Variants in ENDOD1 observed in about 807,000 individuals in gnomAD.
ENDOD1 encodes the protein endonuclease domain containing 1, also known as endonuclease domain-containing 1 protein.
A neutral mutation model predicts 6.5 loss-of-function variants in ENDOD1; 9 were observed. The ratio of observed to expected loss-of-function variants is 1.39; its 90% CI spans 0.84 to 2.43. The LOEUF (loss-of-function observed/expected upper bound fraction) is 2.43. ENDOD1 is among the 30% of genes most tolerant of loss of function. ENDOD1 has a pLI of 0.00. For missense variants in ENDOD1, 648 were observed against 635.5 expected (o/e 1.02, Z -0.21); for synonymous variants, 255 against 255.2 (o/e 1.00, Z 0.01).
rs1440932474 is a variant in ENDOD1, at chr11:95,129,464, T to C, written c.1388T>C (p.Val463Ala). The C allele has an allele frequency of 4.3e-6, 7 of 1,614,222 alleles. No individual in the cohort carries two copies. In the South Asian group the frequency reaches 7.7e-5, roughly 18 times the overall value. The change falls in exon 2 of 2, where the codon GTC becomes GCC. Residue 463 changes from valine to alanine, a missense_variant. By Grantham distance (64) the Val-to-Ala change is moderately conservative. Coordinates refer to ENST00000278505, the MANE Select transcript of ENDOD1 (RefSeq NM_015036.3). ...KDIALGLGGT[V>A]SLLFDTAFGT... Reference sequence around the variant, plus strand: ...ATTGCACTGGGCCTTGGTGGCACTGTCTCACTGCTCTTTGACACTGCTTTT... The same window carrying C: ...ATTGCACTGGGCCTTGGTGGCACTGCCTCACTGCTCTTTGACACTGCTTTT...
At chr11:95,090,636 C>A (rs12289687) in intron 1 of ENDOD1, among the ~76,000 whole-genome samples, 31,775 of 152,128 alleles carry the variant, frequency 0.21, 3,392 homozygotes, top group Admixed American at 0.23. Context: ...AACTTATTGC[C>A]ATAGCACTCA....
rs768953877 is a variant in ENDOD1, at chr11:95,128,929, G to A, written c.853G>A (p.Val285Met). The change falls in exon 2 of 2, where the codon GTG (valine) becomes ATG (methionine). Residue 285 changes from valine to methionine, a missense_variant. Physicochemically the swap from Val to Met is conservative, Grantham distance 21. Coordinates refer to ENST00000278505, the MANE Select transcript of ENDOD1 (RefSeq NM_015036.3). ...AGAGAAAATGAAAAAAATCCTGGAA[G>A]TGGTTAACCAAATCCAGGATGAAGA... ...DTEKMKKILE[V>M]VNQIQDEERM... 41 of 1,613,960 alleles carry A rather than the reference G, an allele frequency of 2.5e-5. No individual in the cohort carries two copies. The highest frequency in any genetic ancestry group is 4.5e-5 in the East Asian group (2 of 44,872).
At position 95,089,898 on chromosome 11, in the gene ENDOD1, C is replaced by T. The variant is rs1858908155; in HGVS notation, c.-30C>T. ...AGCTCGCGCCGCGGCAGCCCAGCCG[C>T]TCGGCCCCGCCGCGCTCGCAGAGGC... On this transcript the variant is annotated 5_prime_UTR_variant, in exon 1 of 2. Coordinates refer to ENST00000278505, the MANE Select transcript of ENDOD1 (RefSeq NM_015036.3). The T allele has an allele frequency of 7.6e-7, 1 of 1,311,252 alleles. No homozygotes were observed. Among genetic ancestry groups the T allele is most frequent in the Non-Finnish European group, 9.7e-7 (1 of 1,027,540 alleles). 81.2% of individuals were successfully genotyped at this position (1,311,252 alleles called of 1,614,324 possible).
intron 1 of ENDOD1, among the ~76,000 whole-genome samples, chr11:95,102,050 C>T (rs1294811960): frequency 6.6e-6 from 1 of 152,094 alleles, no homozygotes; most frequent in Non-Finnish European, 1.5e-5. Context: ...TTCCCTGTTC[C>T]TGCACAGAAG....
intron 1 of ENDOD1, among the ~76,000 whole-genome samples, chr11:95,122,591 C>T (rs765643356): frequency 1.1e-5 from 1 of 92,412 alleles, no homozygotes; most frequent in Non-Finnish European, 2.5e-5. Context: ...ATTTAAGTTA[C>T]ACACACACAC....
intron 1 of ENDOD1, 22 bp downstream of exon 1, chr11:95,090,249 C>A: frequency 1.5e-6 from 2 of 1,361,892 alleles, no homozygotes. Flanking sequence ...GGTTCCCGAG[C>A]CGGGCTGCGG....
intron 1 of ENDOD1, among the ~76,000 whole-genome samples, chr11:95,127,256 A>C (rs898149293): frequency 2.0e-5 from 3 of 152,198 alleles, no homozygotes; most frequent in Non-Finnish European, 4.4e-5. Context: ...AATCCTAAGC[A>C]CTTTCCTTTT....
chr11:95,116,907 A>G (rs140300531), intron 1 of ENDOD1, among the ~76,000 whole-genome samples: 1 of 152,334 alleles, frequency 6.6e-6, no homozygotes, highest in African/African-American at 2.4e-5. Context: ...GACCTATCAC[A>G]TGGTGTATCC....
chr11:95,093,673 G>A (rs1477598218), intron 1 of ENDOD1, among the ~76,000 whole-genome samples: 1 of 152,170 alleles, frequency 6.6e-6, no homozygotes, highest in Non-Finnish European at 1.5e-5. Context: ...ATAATTTGAT[G>A]TTGGGAGGAT....
intron 1 of ENDOD1, among the ~76,000 whole-genome samples, chr11:95,096,637 G>A (rs1858987842): frequency 6.6e-6 from 1 of 152,150 alleles, no homozygotes; most frequent in Non-Finnish European, 1.5e-5. Flanking sequence ...TATACTTTAA[G>A]GGCTGATTGG....
intron 1 of ENDOD1, among the ~76,000 whole-genome samples, chr11:95,106,675 T>G (rs1565445510): frequency 6.6e-6 from 1 of 152,204 alleles, no homozygotes; most frequent in Non-Finnish European, 1.5e-5. Flanking sequence ...GGACCCACAG[T>G]ATTTTGTTCT....
rs1827528845 is a variant in ENDOD1 at position 95,090,035 on chromosome 11, GTTC to G, written c.113_115del (p.Phe38del). ...AAGCCGGCTTTGGCGAATGTGACAA[GTTC>G]TTCTACGCCGGGACCCCGCCTGCGG... On this transcript the variant is annotated inframe_deletion, in exon 1 of 2. Transcript: ENST00000278505. 9.4e-6 allele frequency: 15 copies of G among 1,598,326 alleles called. No homozygotes were observed. In the South Asian group the frequency reaches 1.4e-4, roughly 15 times the overall value.
chr11:95,103,404 C>T (rs1398579067), intron 1 of ENDOD1, among the ~76,000 whole-genome samples: 1 of 152,196 alleles, frequency 6.6e-6, no homozygotes, highest in Non-Finnish European at 1.5e-5. Context: ...AGACATCCAG[C>T]TGCTACTGAT....
At chr11:95,125,078 A>AT (rs1222436637) in intron 1 of ENDOD1, among the ~76,000 whole-genome samples, 1 of 151,030 alleles carries the variant, frequency 6.6e-6, no homozygotes, top group Admixed American at 6.6e-5. Flanking sequence ...TTCTCTGCTC[A>AT]TTTTTTTAGG....
chr11:95,091,653 T>C (rs1858932424), intron 1 of ENDOD1, among the ~76,000 whole-genome samples: 1 of 152,226 alleles, frequency 6.6e-6, no homozygotes, highest in Non-Finnish European at 1.5e-5. Flanking sequence ...AACATACGTC[T>C]GAGGAAATCA....
At chr11:95,123,304 T>C (rs1859280688) in intron 1 of ENDOD1, among the ~76,000 whole-genome samples, 1 of 151,008 alleles carries the variant, frequency 6.6e-6, no homozygotes. Flanking sequence ...CAACTCCAAG[T>C]TGCAAAAGAT....
chr11:95,121,053 G>A (rs144431890), intron 1 of ENDOD1, among the ~76,000 whole-genome samples: 4 of 152,324 alleles, frequency 2.6e-5, no homozygotes, highest in Non-Finnish European at 5.9e-5. Context: ...GGATGGTGGA[G>A]GGGTGGTGTT....
rs1395204996 is a variant in ENDOD1 at position 95,130,848 on chromosome 11, A to G, written c.*1269A>G. 6.6e-6 allele frequency: 1 copy of G among 152,240 alleles called. No individual in the cohort carries two copies. Among genetic ancestry groups the G allele is most frequent in the Admixed American group, 6.5e-5 (1 of 15,290 alleles). 9.4% of individuals were successfully genotyped at this position (152,240 alleles called of 1,614,324 possible). A position where few individuals can be genotyped will look rare whatever the true frequency, so the allele number is the denominator to read the frequency against. ...TTAAATCTTGCACTAAAAAATGGTA[A>G]CAAGAGGGACCAAACTTTGCTTCCC... On this transcript the variant is annotated 3_prime_UTR_variant, in exon 2 of 2. Coordinates refer to ENST00000278505, the MANE Select transcript of ENDOD1 (RefSeq NM_015036.3).
Position 95,089,968 on chromosome 11 carries a change from C to A in ENDOD1, c.41C>A (p.Ala14Asp), listed in dbSNP as rs782489173. The change falls in exon 1 of 2, where the codon GCC (alanine) becomes GAC (aspartate). Residue 14 changes from alanine to aspartate, a missense_variant. Transcript: ENST00000278505. ...ARWLALGSLF[A>D]LAGLLEGRLV... The stretch of plus-strand genomic sequence containing the variant: ...TGGCTCGCGCTGGGCAGCCTCTTCG[C>A]CCTGGCTGGGCTGCTGGAAGGCCGG... The A allele has an allele frequency of 7.2e-6, 11 of 1,530,752 alleles. No individual in the cohort carries two copies. The South Asian group carries it at 1.3e-4, about 19-fold the overall frequency. The allele number at this position is 1,530,752 out of a possible 1,614,324, so 94.8% of individuals were successfully genotyped here. A position where few individuals can be genotyped will look rare whatever the true frequency, so the allele number is the denominator to read the frequency against.
Sources: gnomAD v4.1 joint callset for allele counts (sites outside exome capture counted in the v4.1 genomes callset) on GRCh38, gnomAD v4.1.1 for gene constraint, MANE v1.5 for transcripts, NCBI Gene and HGNC (gene_info 2026-07-23, HGNC 2026-07-21) for gene names.